Variants in ADD1 observed in about 807,000 individuals in gnomAD.
ADD1 encodes the protein adducin 1.
ADD1 carries 24 observed loss-of-function variants against 80.5 expected under a neutral mutation model. That is an observed-to-expected ratio of 0.30 (90% CI 0.22 to 0.42). ADD1 has a LOEUF of 0.42. Among genes scored for constraint, ADD1 ranks in the 10% least tolerant of loss-of-function variants. The pLI is 1.00. For missense variants in ADD1, 948 were observed against 1,019.0 expected (o/e 0.93, Z 0.95); for synonymous variants, 373 against 393.8 (o/e 0.95, Z 0.63).
rs147451138 is a variant in ADD1, at chr4:2,888,889, A to C, written c.510+4223A>C. Among the ~76,000 whole-genome samples the C allele has an allele frequency of 1.1e-3, 163 of 152,340 alleles. 1 individual carries two copies. The highest frequency in any genetic ancestry group is 3.7e-3 in the African/African-American group (153 of 41,572). On this transcript the variant is annotated intron_variant, in intron 4 of 15. Coordinates refer to ENST00000683351, the MANE Select transcript of ADD1 (RefSeq NM_001354761.2). ...GGTATCAGAAATGAGAAAATATGAA[A>C]TATATACTGTTTACAGCTATATGAA...
In ADD1 at chr4:2,893,485, C is replaced by T. The variant is rs187254765; in HGVS notation, c.511-528C>T. Among the ~76,000 whole-genome samples, 174 of 151,904 alleles carry T rather than the reference C, an allele frequency of 1.1e-3. 1 individual carries two copies. Among genetic ancestry groups the T allele is most frequent in the Admixed American group, 3.7e-3 (56 of 15,252 alleles). ...ATAATTAGCTGGTCACAGTATTGTG[C>T]GCTTGTAGTCCCAGCTACTTGGGAG... On this transcript the variant is annotated intron_variant, in intron 4 of 15. Coordinates refer to ENST00000683351, the MANE Select transcript of ADD1 (RefSeq NM_001354761.2).
chr4:2,869,727 G>A (rs1252312264), intron 1 of ADD1, among the ~76,000 whole-genome samples: 1 of 152,174 alleles, frequency 6.6e-6, no homozygotes, highest in Non-Finnish European at 1.5e-5. Flanking sequence ...CTGGTGCCTT[G>A]CATGTAAGGT....
At chr4:2,883,426 A>G (rs570579673) in intron 3 of ADD1, among the ~76,000 whole-genome samples, 15 of 151,780 alleles carry the variant, frequency 9.9e-5, no homozygotes, top group Non-Finnish European at 1.8e-4. Context: ...TTCTGAATGG[A>G]TGTTGAACTT....
At chr4:2,915,289 T>C (rs369459571) in intron 14 of ADD1, among the ~76,000 whole-genome samples, 1 of 151,946 alleles carries the variant, frequency 6.6e-6, no homozygotes, top group Non-Finnish European at 1.5e-5. Context: ...GCGGATGACC[T>C]GAGGTCGGGA....
At chr4:2,908,445 A>AGGG in intron 11 of ADD1, 70 bp from the exon 12 acceptor site, 1 of 1,399,970 alleles carries the variant, frequency 7.1e-7, no homozygotes. Context: ...CCAAGTGCAC[A>AGGG]AGCAGCAGGG....
chr4:2,915,089 T>A, intron 14 of ADD1, 49 bp downstream of exon 14: 2 of 1,542,800 alleles, frequency 1.3e-6, no homozygotes, highest in Non-Finnish European at 1.7e-6. Flanking sequence ...GTGAAAGTGC[T>A]CTGGGAGCTT....
At chr4:2,854,097 G>A (rs552069731) in intron 1 of ADD1, among the ~76,000 whole-genome samples, 1 of 152,122 alleles carries the variant, frequency 6.6e-6, no homozygotes, top group African/African-American at 2.4e-5. Flanking sequence ...TGAGGTGGGC[G>A]GATCACCTGA....
chr4:2,881,921 A>C lies in ADD1; in HGVS notation c.219A>C (p.Ser73=). The change falls in exon 3 of 16, where the codon TCA becomes TCC. Residue 73 remains serine, a synonymous_variant. Transcript: ENST00000683351. ...AGGCTTTCTGTGAAGAATTGGAATCAATGATACAGGAGCAATTTAAGAAGG... is the reference window on the plus strand; with the variant it reads ...AGGCTTTCTGTGAAGAATTGGAATCCATGATACAGGAGCAATTTAAGAAGG... ...QSPAFCEELE[S]MIQEQFKKGK... The C allele has an allele frequency of 6.2e-7, 1 of 1,600,260 alleles. No individual in the cohort carries two copies. The highest frequency in any genetic ancestry group is 8.5e-7 in the Non-Finnish European group (1 of 1,176,384).
In ADD1 at chr4:2,899,044, T is replaced by G. The variant is rs1735739982; in HGVS notation, c.985-215T>G. ...TCCTGAAAGGTGCTGTGTTTTCTCATTTCTCTGCCAACTTTGGTGCCCAAT... is the reference window on the plus strand; with the variant it reads ...TCCTGAAAGGTGCTGTGTTTTCTCAGTTCTCTGCCAACTTTGGTGCCCAAT... On this transcript the variant is annotated intron_variant, in intron 8 of 15. Coordinates refer to ENST00000683351, the MANE Select transcript of ADD1 (RefSeq NM_001354761.2). 7 of 559,540 alleles carry G rather than the reference T, an allele frequency of 1.3e-5. No individual in the cohort carries two copies. The South Asian group carries it at 1.6e-4, about 13-fold the overall frequency. The allele number at this position is 559,540 out of a possible 1,614,324, so 34.7% of individuals were successfully genotyped here. A position where few individuals can be genotyped will look rare whatever the true frequency, so the allele number is the denominator to read the frequency against.
At chr4:2,860,191 A>G (rs1278308559) in intron 1 of ADD1, among the ~76,000 whole-genome samples, 1 of 151,894 alleles carries the variant, frequency 6.6e-6, no homozygotes, top group African/African-American at 2.4e-5. Flanking sequence ...TTCTTTTCTT[A>G]TTGTCCTACC....
At chr4:2,876,139 G>C in intron 2 of ADD1, 29 bp downstream of exon 2, 3 of 1,589,644 alleles carry the variant, frequency 1.9e-6, no homozygotes, top group Admixed American at 1.8e-5. Flanking sequence ...TCTCTGACCA[G>C]ATGTCATCTT....
At chr4:2,885,868 C>T (rs748636487) in intron 4 of ADD1, among the ~76,000 whole-genome samples, 2 of 152,170 alleles carry the variant, frequency 1.3e-5, no homozygotes, top group African/African-American at 2.4e-5. Context: ...CCTTGGCCTC[C>T]CAAAGTGCTG....
At chr4:2,876,271 T>A in intron 2 of ADD1, 161 bp downstream of exon 2, 1 of 562,796 alleles carries the variant, frequency 1.8e-6, no homozygotes, top group Non-Finnish European at 2.9e-6. Flanking sequence ...TCAGTTCAGT[T>A]CATGTTATCA....
rs1310237494 is a variant in ADD1 at position 2,856,593 on chromosome 4, T to TC, written c.-21+12569_-21+12570insC. Among the ~76,000 whole-genome samples, 11 of 148,510 alleles carry TC rather than the reference T, an allele frequency of 7.4e-5. 1 individual carries two copies. Among genetic ancestry groups the TC allele is most frequent in the African/African-American group, 2.7e-4 (11 of 40,542 alleles). ...GTAAATGGTTACTAGAGTTTTTTTT[T>TC]TTTTTTTTTTTTTCCTGAGACGGGG... On this transcript the variant is annotated intron_variant, in intron 1 of 15. Transcript: ENST00000683351.
In ADD1 at chr4:2,928,152, C is replaced by G; in HGVS notation, c.2048-19C>G. On this transcript the variant is annotated intron_variant, in intron 15 of 15. Transcript: ENST00000683351. ...TCTGGGCAGGAACCCTTAATCCCATCTCTCACCTCACCCACTAGACCTTGT... is the reference window on the plus strand; with the variant it reads ...TCTGGGCAGGAACCCTTAATCCCATGTCTCACCTCACCCACTAGACCTTGT... The G allele has an allele frequency of 6.2e-7, 1 of 1,610,274 alleles. No homozygotes were observed. The highest frequency in any genetic ancestry group is 1.3e-5 in the African/African-American group (1 of 74,900).
intron 4 of ADD1, among the ~76,000 whole-genome samples, chr4:2,885,841 A>C (rs915918972): frequency 6.6e-6 from 1 of 151,652 alleles, no homozygotes; most frequent in African/African-American, 2.4e-5. Context: ...CGATCTCCTG[A>C]CCTTGTGATC....
chr4:2,850,676 C>T (rs969489360), intron 1 of ADD1, among the ~76,000 whole-genome samples: 5 of 152,302 alleles, frequency 3.3e-5, no homozygotes, highest in East Asian at 1.9e-4. Flanking sequence ...CCGCCCGCCT[C>T]GGCCTCCCAA....
In ADD1 at chr4:2,890,651, G is replaced by T. The variant is rs555666063; in HGVS notation, c.511-3362G>T. On this transcript the variant is annotated intron_variant, in intron 4 of 15. Coordinates refer to ENST00000683351, the MANE Select transcript of ADD1 (RefSeq NM_001354761.2). ...TCTCCATCTCCTGACCTTGTGATCC[G>T]CCCTTCTCGCCCTCCCAAAGTGCTG... Among the ~76,000 whole-genome samples, 3 of 152,126 alleles carry T rather than the reference G, an allele frequency of 2.0e-5. No homozygotes were observed. The East Asian group carries it at 5.8e-4, about 29-fold the overall frequency.
At chr4:2,881,758 G>C (rs930976000) in intron 2 of ADD1, 140 bp from the exon 3 acceptor site, 235 of 562,138 alleles carry the variant, frequency 4.2e-4, no homozygotes, top group Non-Finnish European at 5.7e-4. Flanking sequence ...TATATTCTCA[G>C]CAGTAATGTG....
Sources: gnomAD v4.1 joint callset for allele counts (sites outside exome capture counted in the v4.1 genomes callset) on GRCh38, gnomAD v4.1.1 for gene constraint, MANE v1.5 for transcripts, NCBI Gene and HGNC (gene_info 2026-07-23, HGNC 2026-07-21) for gene names.